Variants in IGF2BP3 observed in about 807,000 individuals in gnomAD.
IGF2BP3 encodes the protein insulin like growth factor 2 mRNA binding protein 3.
IGF2BP3 carries 9 observed loss-of-function variants against 73.8 expected under a neutral mutation model. The ratio of observed to expected loss-of-function variants is 0.12; its 90% CI spans 0.07 to 0.21. The LOEUF (loss-of-function observed/expected upper bound fraction) is 0.21. IGF2BP3 is among the 10% of genes least tolerant of loss of function. The pLI is 1.00. For synonymous variants in IGF2BP3, 258 were observed against 256.7 expected (o/e 1.01, Z -0.05); for missense variants, 542 against 714.0 (o/e 0.76, Z 2.75).
chr7:23,449,222 G>A (rs1052182057), intron 2 of IGF2BP3, among the ~76,000 whole-genome samples: 3 of 151,594 alleles, frequency 2.0e-5, no homozygotes, highest in African/African-American at 7.3e-5. Flanking sequence ...ATATTCACCA[G>A]AATACCTGAT....
Position 23,361,550 on chromosome 7 carries a change from T to C in IGF2BP3, c.385A>G (p.Lys129Glu). ...GCTGCTTACTGTCTAGCTTGGTCCT[T>C]ACTGGAATAGGTTACATTTACAACT... Reference protein sequence around the residue: ...TAVVNVTYSSKDQARQALDKL... With the variant: ...TAVVNVTYSSEDQARQALDKL... The change falls in exon 5 of 15, where the codon AAG becomes GAG. Residue 129 changes from lysine to glutamate, a missense_variant. By Grantham distance (56) the Lys-to-Glu change is moderately conservative. This residue lies in a region of IGF2BP3 where 239 missense variants were observed against 241.9 expected (regional missense o/e 0.99). Coordinates refer to ENST00000258729, the MANE Select transcript of IGF2BP3 (RefSeq NM_006547.3). The C allele has an allele frequency of 2.5e-6, 4 of 1,612,464 alleles. No individual in the cohort carries two copies. Among genetic ancestry groups the C allele is most frequent in the Non-Finnish European group, 3.4e-6 (4 of 1,179,534 alleles).
intron 3 of IGF2BP3, among the ~76,000 whole-genome samples, chr7:23,400,736 A>G (rs2033683903): frequency 1.3e-5 from 2 of 152,258 alleles, no homozygotes; most frequent in South Asian, 4.1e-4. Context: ...AACCATATGC[A>G]TCGCAGTGTA....
Position 23,416,082 on chromosome 7 carries a change from C to T in IGF2BP3, c.285+2694G>A, listed in dbSNP as rs1253873342. ...CCCAATGAGGGGGCCACCATCATCA[C>T]CCCTGGTTAGAAAAGAGGAAAATGA... is the stretch of plus-strand genomic sequence containing the variant. On this transcript the variant is annotated intron_variant, in intron 3 of 14. Transcript: ENST00000258729. 8 of 152,236 alleles carry T rather than the reference C, an allele frequency of 5.3e-5. No individual in the cohort carries two copies. In the East Asian group the frequency reaches 1.5e-3, roughly 29 times the overall value. The allele number at this position is 152,236 out of a possible 1,614,324, so 9.4% of individuals were successfully genotyped here.
At chr7:23,438,439 A>C (rs890938427) in intron 2 of IGF2BP3, among the ~76,000 whole-genome samples, 3 of 152,150 alleles carry the variant, frequency 2.0e-5, no homozygotes, top group Admixed American at 1.3e-4. Flanking sequence ...AAATTTTATA[A>C]AGAAGACTCA....
chr7:23,368,010 A>AC (rs1481806518), intron 3 of IGF2BP3, among the ~76,000 whole-genome samples: 4 of 137,176 alleles, frequency 2.9e-5, no homozygotes, highest in Admixed American at 1.4e-4. Context: ...TTTAAAAACA[A>AC]AAAAAAACAA....
intron 3 of IGF2BP3, among the ~76,000 whole-genome samples, chr7:23,380,788 C>T (rs1785886224): frequency 6.6e-6 from 1 of 152,210 alleles, no homozygotes; most frequent in Non-Finnish European, 1.5e-5. Context: ...AAGGCAGAGA[C>T]TGGGATGATG....
intron 2 of IGF2BP3, among the ~76,000 whole-genome samples, chr7:23,456,794 A>T (rs927038522): frequency 6.6e-6 from 1 of 152,240 alleles, no homozygotes; most frequent in African/African-American, 2.4e-5. Flanking sequence ...TCACGCCCGT[A>T]ATCCCAGCAC....
chr7:23,422,686 G>A (rs1165301994), intron 2 of IGF2BP3, among the ~76,000 whole-genome samples: 1 of 152,198 alleles, frequency 6.6e-6, no homozygotes, highest in African/African-American at 2.4e-5. Context: ...ATTATTGGAA[G>A]TTTGGATGTT....
At chr7:23,430,172 C>T (rs971771688) in intron 2 of IGF2BP3, among the ~76,000 whole-genome samples, 1 of 151,966 alleles carries the variant, frequency 6.6e-6, no homozygotes, top group African/African-American at 2.4e-5. Flanking sequence ...CAACCTCCAC[C>T]TCCCGGGTTC....
chr7:23,401,063 C>T (rs1416771849), intron 3 of IGF2BP3, among the ~76,000 whole-genome samples: 1 of 152,192 alleles, frequency 6.6e-6, no homozygotes, highest in Non-Finnish European at 1.5e-5. Flanking sequence ...CCCCAAAGTG[C>T]TGGAATTACA....
chr7:23,352,993 A>G (rs1785005958), intron 5 of IGF2BP3, among the ~76,000 whole-genome samples: 1 of 152,136 alleles, frequency 6.6e-6, no homozygotes, highest in Non-Finnish European at 1.5e-5. Context: ...AAAATAATAA[A>G]CTAGTAGAGA....
intron 2 of IGF2BP3, among the ~76,000 whole-genome samples, chr7:23,435,541 C>T (rs1787789548): frequency 6.6e-6 from 1 of 151,732 alleles, no homozygotes; most frequent in African/African-American, 2.4e-5. Flanking sequence ...CCACAACCTC[C>T]GCCTCCTGGG....
intron 10 of IGF2BP3, among the ~76,000 whole-genome samples, chr7:23,337,068 C>G (rs1784592597): frequency 6.6e-6 from 1 of 152,062 alleles, no homozygotes; most frequent in Admixed American, 6.6e-5. Context: ...ACTAGGTACA[C>G]AAAATAGTTA....
At chr7:23,383,462 C>T (rs1434652563) in intron 3 of IGF2BP3, among the ~76,000 whole-genome samples, 1 of 152,112 alleles carries the variant, frequency 6.6e-6, no homozygotes. Flanking sequence ...AGGCTATAAT[C>T]AAAAAGTCAG....
intron 2 of IGF2BP3, among the ~76,000 whole-genome samples, chr7:23,457,970 C>A (rs1211787899): frequency 1.3e-5 from 2 of 152,204 alleles, no homozygotes; most frequent in South Asian, 2.1e-4. Flanking sequence ...TACTTGAGTC[C>A]ACATCCCAAA....
intron 3 of IGF2BP3, among the ~76,000 whole-genome samples, chr7:23,390,212 C>T (rs1336846812): frequency 6.6e-6 from 1 of 152,076 alleles, no homozygotes; most frequent in African/African-American, 2.4e-5. Flanking sequence ...TAAAAATTCA[C>T]TCTGATCTAA....
chr7:23,382,818 G>A (rs190024011), intron 3 of IGF2BP3, among the ~76,000 whole-genome samples: 104 of 144,488 alleles, frequency 7.2e-4, no homozygotes, highest in African/African-American at 2.5e-3. Flanking sequence ...GGGTGGAGGG[G>A]TAAGGGAGGG....
intron 14 of IGF2BP3, 105 bp downstream of exon 14, chr7:23,312,630 C>G (rs917221241): frequency 5.6e-5 from 53 of 950,254 alleles, no homozygotes; most frequent in Non-Finnish European, 8.6e-5. Flanking sequence ...GATGAAAAGT[C>G]TTAAGCATCA....
intron 3 of IGF2BP3, among the ~76,000 whole-genome samples, chr7:23,389,446 C>A (rs1179500370): frequency 6.6e-6 from 1 of 152,096 alleles, no homozygotes; most frequent in Non-Finnish European, 1.5e-5. Context: ...CAGGGGTGAG[C>A]CACCATACCC....
Sources: gnomAD v4.1 joint callset for allele counts (sites outside exome capture counted in the v4.1 genomes callset) on GRCh38, gnomAD v4.1.1 for gene constraint, gnomAD v4.1.1 regional missense constraint, MANE v1.5 for transcripts, NCBI Gene and HGNC (gene_info 2026-07-23, HGNC 2026-07-21) for gene names.